Variants in CBR4 observed in about 807,000 individuals in gnomAD.
CBR4 encodes the protein carbonyl reductase 4.
A neutral mutation model predicts 21.0 loss-of-function variants in CBR4; 22 were observed. That is an observed-to-expected ratio of 1.05 (90% CI 0.75 to 1.50). CBR4 has a LOEUF of 1.50. Ranked by LOEUF, CBR4 falls within the 40% of genes most tolerant of loss-of-function variation. The pLI, the probability that CBR4 is intolerant of heterozygous loss-of-function variation, is 0.00. For missense variants in CBR4, 302 were observed against 286.3 expected (o/e 1.05, Z -0.40); for synonymous variants, 100 against 104.4 (o/e 0.96, Z 0.26).
chr4:168,985,409 G>T (rs1026297223), downstream of CBR4, among the ~76,000 whole-genome samples: 3 of 152,244 alleles, frequency 2.0e-5, no homozygotes, highest in Non-Finnish European at 4.4e-5. Context: ...TGGTGGTTGT[G>T]GAGAAAAGAG....
downstream of CBR4, among the ~76,000 whole-genome samples, chr4:168,985,856 T>C (rs942492672): frequency 1.4e-4 from 21 of 152,122 alleles, no homozygotes; most frequent in African/African-American, 5.1e-4. Context: ...AGCTAAACCC[T>C]GAGTATACAT....
intron 2 of CBR4, among the ~76,000 whole-genome samples, chr4:168,912,528 G>T (rs1759193524): frequency 6.6e-6 from 1 of 152,162 alleles, no homozygotes; most frequent in South Asian, 2.1e-4. Flanking sequence ...CATGTCATCT[G>T]GGTGCCCTGA....
intron 3 of CBR4, 143 bp from the exon 4 acceptor site, chr4:169,002,348 A>G (rs970848763): frequency 9.1e-6 from 8 of 877,632 alleles, no homozygotes; most frequent in Non-Finnish European, 1.2e-5. Flanking sequence ...AATTCTAACC[A>G]TTGTCATCAG....
intron 2 of CBR4, among the ~76,000 whole-genome samples, chr4:168,959,503 C>T (rs1024389420): frequency 2.0e-5 from 3 of 148,864 alleles, no homozygotes; most frequent in Non-Finnish European, 3.0e-5. Context: ...TATAAAACTG[C>T]TTTGGCTAAT....
chr4:168,977,278 T>C (rs1002410467), intron 2 of CBR4, among the ~76,000 whole-genome samples: 6 of 152,214 alleles, frequency 3.9e-5, no homozygotes, highest in Non-Finnish European at 8.8e-5. Flanking sequence ...ATCCATCTTA[T>C]ATGCCTAGCA....
chr4:168,999,195 T>C (rs1184437437), intron 4 of CBR4, among the ~76,000 whole-genome samples: 4 of 152,124 alleles, frequency 2.6e-5, no homozygotes, highest in African/African-American at 9.7e-5. Flanking sequence ...ATTATTTTCC[T>C]TGTTCCTTGC....
intron 2 of CBR4, 136 bp from the exon 3 acceptor site, chr4:169,007,027 C>T (rs1469056772): frequency 1.6e-6 from 1 of 643,268 alleles, no homozygotes; most frequent in Non-Finnish European, 2.7e-6. Context: ...TACCTAGAGT[C>T]CCATTTTGAA....
In CBR4 at chr4:168,990,306, C is replaced by T. The variant is rs1291015525; in HGVS notation, c.558G>A (p.Thr186=). 3.1e-6 allele frequency: 5 copies of T among 1,610,320 alleles called. No homozygotes were observed. The highest frequency in any genetic ancestry group is 2.2e-5 in the East Asian group (1 of 44,658). ...TTAAATGTTCTTCTTTCAAGTCTTT[C>T]GTCATATCTGTGTGTACAAATCCTA... is the stretch of plus-strand genomic sequence containing the variant. The part of the protein sequence containing the change: ...VAPGFVHTDM[T]KDLKEEHLKK... The change falls in exon 5 of 5, where the codon ACG becomes ACA. Residue 186 remains threonine, a synonymous_variant. Coordinates refer to ENST00000306193, the MANE Select transcript of CBR4 (RefSeq NM_032783.5).
intron 2 of CBR4, among the ~76,000 whole-genome samples, chr4:168,938,865 G>A (rs1031668416): frequency 1.3e-5 from 2 of 152,058 alleles, no homozygotes; most frequent in South Asian, 2.1e-4. Flanking sequence ...TCTACCAGAG[G>A]TACAAAGAAG....
chr4:168,952,902 G>A (rs1763581518), intron 2 of CBR4, among the ~76,000 whole-genome samples: 1 of 152,252 alleles, frequency 6.6e-6, no homozygotes, highest in African/African-American at 2.4e-5. Context: ...CCTCCTGCCA[G>A]GAGGTGGCTC....
intron 1 of CBR4, chr4:169,009,093 CAGTA>C (rs1731168941): frequency 2.3e-6 from 1 of 438,598 alleles, no homozygotes; most frequent in African/African-American, 2.1e-5. Flanking sequence ...TACACAAAAA[CAGTA>C]AGAGCCACAA....
rs114865728 is a variant in CBR4, at chr4:168,928,728, T to G, written n.170-33963A>C. 6.1e-3 allele frequency among the ~76,000 whole-genome samples: 934 copies of G among 152,022 alleles called. 7 individuals are homozygous for G. The highest frequency in any genetic ancestry group is 1.0e-2 in the Non-Finnish European group (678 of 68,024). On this transcript the variant is annotated intron_variant and non_coding_transcript_variant, in intron 2 of 3. Coordinates refer to the CBR4 transcript ENST00000509108. Reference sequence around the variant, plus strand: ...CCTTTAGTCCCTCAGCCAGGAGCTCTCTCTCTCAGCTCCTGAAGGCCGCCT... The same window carrying G: ...CCTTTAGTCCCTCAGCCAGGAGCTCGCTCTCTCAGCTCCTGAAGGCCGCCT...
intron 2 of CBR4, among the ~76,000 whole-genome samples, chr4:168,981,657 T>G (rs1764550662): frequency 6.6e-6 from 1 of 152,096 alleles, no homozygotes; most frequent in South Asian, 2.1e-4. Flanking sequence ...TTAGCATCCC[T>G]GAAAGAGAAG....
rs114250766 is a variant in CBR4, at chr4:168,915,961, T to C, written n.170-21196A>G. 8.6e-5 allele frequency: 138 copies of C among 1,613,268 alleles called. No homozygotes were observed. In the East Asian group the frequency reaches 2.5e-3, roughly 30 times the overall value. On this transcript the variant is annotated intron_variant and non_coding_transcript_variant, in intron 2 of 3. Transcript: ENST00000509108. Reference sequence around the variant, plus strand: ...CAATTCAGGAGCGATTCTTCAGACCTCACTTCTTGCAGGCTCCTGGAGATC... The same window carrying C: ...CAATTCAGGAGCGATTCTTCAGACCCCACTTCTTGCAGGCTCCTGGAGATC...
At chr4:168,998,224 G>C (rs1306459124) in intron 4 of CBR4, among the ~76,000 whole-genome samples, 1 of 152,156 alleles carries the variant, frequency 6.6e-6, no homozygotes, top group Non-Finnish European at 1.5e-5. Flanking sequence ...TGCAGTTCCA[G>C]TCCCAAGATT....
intron 2 of CBR4, among the ~76,000 whole-genome samples, chr4:168,932,747 A>C (rs957683423): frequency 2.0e-5 from 3 of 152,312 alleles, no homozygotes; most frequent in Admixed American, 1.3e-4. Context: ...GAAACCTTAC[A>C]GGCCGGGAAA....
intron 2 of CBR4, among the ~76,000 whole-genome samples, chr4:168,946,532 T>C (rs1352015440): frequency 6.6e-6 from 1 of 152,222 alleles, no homozygotes; most frequent in Admixed American, 6.5e-5. Flanking sequence ...GATCCACCTG[T>C]CTTTTATTAA....
In CBR4 at chr4:168,988,306, TC is replaced by T. The variant is rs1186217449; in HGVS notation, c.*1843del. Reference sequence around the variant, plus strand: ...GTGGAATAGCTTAAAAGGTTATATTTCTTATTTTAAAGTATAAAAACATACA... The same window carrying T: ...GTGGAATAGCTTAAAAGGTTATATTTTTATTTTAAAGTATAAAAACATACA... On this transcript the variant is annotated 3_prime_UTR_variant, in exon 5 of 5. Coordinates refer to ENST00000306193, the MANE Select transcript of CBR4 (RefSeq NM_032783.5). 3.0e-6 allele frequency: 3 copies of T among 984,986 alleles called. No individual in the cohort carries two copies. In the African/African-American group the frequency reaches 5.2e-5, roughly 17 times the overall value. The allele number at this position is 984,986 out of a possible 1,614,324, so 61.0% of individuals were successfully genotyped here. A position where few individuals can be genotyped will look rare whatever the true frequency, so the allele number is the denominator to read the frequency against.
At chr4:168,932,569 T>G (rs1303223177) in intron 2 of CBR4, among the ~76,000 whole-genome samples, 1 of 152,176 alleles carries the variant, frequency 6.6e-6, no homozygotes, top group African/African-American at 2.4e-5. Context: ...CATCTAGCTC[T>G]AAGAAGCTTA....
Sources: allele counts gnomAD v4.1 joint callset (sites outside exome capture counted in the v4.1 genomes callset), GRCh38; gene constraint gnomAD v4.1.1; transcripts MANE v1.5; gene names NCBI Gene and HGNC (gene_info 2026-07-23, HGNC 2026-07-21).